SPTBN1: variants seen among roughly 807,000 people sequenced by gnomAD.
SPTBN1 encodes spectrin beta, non-erythrocytic 1, also known as spectrin beta chain, non-erythrocytic 1.
SPTBN1 carries 32 observed loss-of-function variants against 266.4 expected under a neutral mutation model. The observed-to-expected ratio is 0.12, with a 90% CI of 0.09 to 0.16. The LOEUF (loss-of-function observed/expected upper bound fraction) is 0.16. Among genes scored for constraint, SPTBN1 ranks in the 10% least tolerant of loss-of-function variants. SPTBN1 has a pLI of 1.00. For missense variants in SPTBN1, 2,296 were observed against 3,067.1 expected (o/e 0.75, Z 5.94); for synonymous variants, 1,336 against 1,162.2 (o/e 1.15, Z -3.04).
At chr2:54,590,789 T>C (rs1224636640) in intron 2 of SPTBN1, among the ~76,000 whole-genome samples, 1 of 152,246 alleles carries the variant, frequency 6.6e-6, no homozygotes, top group Non-Finnish European at 1.5e-5. Context: ...CAGATGAAGC[T>C]GATGCCTTAG....
intron 32 of SPTBN1, chr2:54,663,474 A>G (rs1681183307): frequency 6.6e-6 from 1 of 152,190 alleles, no homozygotes; most frequent in Middle Eastern, 3.2e-3. Flanking sequence ...GAAAATGATA[A>G]TGAATCAAGA....
chr2:54,482,747 T>C (rs1008532820), intron 1 of SPTBN1, among the ~76,000 whole-genome samples: 2 of 152,160 alleles, frequency 1.3e-5, no homozygotes, highest in South Asian at 2.1e-4. Context: ...GACAGTTTCA[T>C]TGGGCAGCCT....
rs143125321 is a variant in SPTBN1, at chr2:54,558,837, A to G, written c.148+32271A>G. 4 of 1,613,924 alleles carry G rather than the reference A, an allele frequency of 2.5e-6. No homozygotes were observed. Among genetic ancestry groups the G allele is most frequent in the Non-Finnish European group, 3.4e-6 (4 of 1,179,864 alleles). On this transcript the variant is annotated intron_variant, in intron 2 of 35. Transcript: ENST00000356805. This position sits in a 1 kb window ranked among gnomAD's most constrained non-coding sequence, Gnocchi z 4.6. ...CCGCTGTCGCCGGCGTACACGGGGC[A>G]GGTGCCTTACAACTACAACCAGCTG... is the stretch of plus-strand genomic sequence containing the variant.
chr2:54,475,727 C>T (rs1667792660), intron 1 of SPTBN1, among the ~76,000 whole-genome samples: 2 of 152,140 alleles, frequency 1.3e-5, no homozygotes. Flanking sequence ...AATTCAGACT[C>T]ATTGTTTAGT....
At chr2:54,513,866 G>A (rs772459287) in intron 1 of SPTBN1, among the ~76,000 whole-genome samples, 19 of 152,148 alleles carry the variant, frequency 1.2e-4, no homozygotes, top group Admixed American at 9.8e-4. Context: ...CAAGTTAGGT[G>A]ATTTCAAGAT....
At chr2:54,639,074 T>C (rs1428892021) in intron 18 of SPTBN1, among the ~76,000 whole-genome samples, 2 of 152,236 alleles carry the variant, frequency 1.3e-5, no homozygotes, top group Non-Finnish European at 2.9e-5. Context: ...CTGGGGGATT[T>C]GCCCGGAGCC....
intron 2 of SPTBN1, among the ~76,000 whole-genome samples, chr2:54,583,226 T>C (rs1675068053): frequency 6.6e-6 from 1 of 152,078 alleles, no homozygotes; most frequent in Non-Finnish European, 1.5e-5. Context: ...CCACAGTGCT[T>C]TGCTTGATCC....
chr2:54,588,324 G>A lies in SPTBN1; in HGVS notation c.149-10768G>A, dbSNP rs1182814857. ...TATTAATCTTTTAACTCAGTCTGAA[G>A]GAACTGACCAGACATGGATGGTTAT... is the stretch of plus-strand genomic sequence containing the variant. On this transcript the variant is annotated intron_variant, in intron 2 of 35. Transcript: ENST00000356805. Among the ~76,000 whole-genome samples, 157 of 152,018 alleles carry A rather than the reference G, an allele frequency of 1.0e-3. 2 individuals are homozygous for A. Among genetic ancestry groups the A allele is most frequent in the South Asian group, 2.1e-3 (10 of 4,820 alleles).
At chr2:54,568,370 A>AAAG (rs1170471000) in intron 2 of SPTBN1, among the ~76,000 whole-genome samples, 64 of 136,416 alleles carry the variant, frequency 4.7e-4, no homozygotes, top group South Asian at 1.2e-3. Flanking sequence ...AAAAAAAAAA[A>AAAG]AAGAAGAAGA....
Position 54,624,887 on chromosome 2 carries a change from G to A in SPTBN1, c.1266G>A (p.Gln422=). The change falls in exon 11 of 36, where the codon CAG becomes CAA. Residue 422 remains glutamine (Q), a synonymous_variant. Coordinates refer to ENST00000356805, the MANE Select transcript of SPTBN1 (RefSeq NM_003128.3). ...NELIRQEKLE[Q]LARRFDRKAA... is the part of the protein sequence containing the mutation. Reference sequence around the variant, plus strand: ...TCATAAGACAGGAGAAACTGGAACAGCTCGCCCGCAGATTTGATCGCAAGG... The same window carrying A: ...TCATAAGACAGGAGAAACTGGAACAACTCGCCCGCAGATTTGATCGCAAGG... 2 of 1,614,132 alleles carry A rather than the reference G, an allele frequency of 1.2e-6. No homozygotes were observed. The highest frequency in any genetic ancestry group is 8.5e-7 in the Non-Finnish European group (1 of 1,180,022).
intron 12 of SPTBN1, 152 bp from the exon 13 acceptor site, chr2:54,627,945 T>C (rs1416658965): frequency 5.0e-6 from 4 of 803,486 alleles, no homozygotes; most frequent in Non-Finnish European, 7.3e-6. Flanking sequence ...TCTGGTTTGT[T>C]GGCCATCATC....
At chr2:54,504,238 G>A (rs532262996) in intron 1 of SPTBN1, among the ~76,000 whole-genome samples, 1 of 152,316 alleles carries the variant, frequency 6.6e-6, no homozygotes, top group South Asian at 2.1e-4. Context: ...GGTCCTGCAA[G>A]GCACAGCTGT....
Position 54,526,497 on chromosome 2 carries a change from G to A in SPTBN1, c.79G>A (p.Val27Ile), listed in dbSNP as rs1670825070. 4 of 1,614,198 alleles carry A rather than the reference G, an allele frequency of 2.5e-6. No homozygotes were observed. Among genetic ancestry groups the A allele is most frequent in the Non-Finnish European group, 3.4e-6 (4 of 1,180,028 alleles). ...CAGTGATGTCAACAACCGCTGGGAT[G>A]TCGACGACTGGGACAATGAGAACAG... ...QYSDVNNRWD[V>I]DDWDNENSSA... is the part of the protein sequence containing the mutation. The change falls in exon 2 of 36, where the codon GTC becomes ATC. Residue 27 changes from valine (V) to isoleucine (I), a missense_variant. This residue lies in a region of SPTBN1 where 178 missense variants were observed against 375.7 expected (regional missense o/e 0.47). Coordinates refer to ENST00000356805, the MANE Select transcript of SPTBN1 (RefSeq NM_003128.3).
At chr2:54,585,041 C>A (rs570047764) in intron 2 of SPTBN1, among the ~76,000 whole-genome samples, 1 of 152,294 alleles carries the variant, frequency 6.6e-6, no homozygotes, top group Admixed American at 6.5e-5. Flanking sequence ...AGCAACACTG[C>A]AAGAGGTTTA....
In SPTBN1 at chr2:54,653,858, C is replaced by T. The variant is rs747634362; in HGVS notation, c.5822+5C>T. ...CGAGGCCCAGGAGAAGCCAAGGTAA[C>T]GCTTTCAGCCCAAAGGAAATTGGAC... On this transcript the variant is annotated splice_donor_5th_base_variant and intron_variant, in intron 27 of 35. Coordinates refer to ENST00000356805, the MANE Select transcript of SPTBN1 (RefSeq NM_003128.3). This position sits in a 1 kb window ranked among gnomAD's most constrained non-coding sequence, Gnocchi z 5.1. 1.7e-5 allele frequency: 28 copies of T among 1,606,886 alleles called. No individual in the cohort carries two copies. The highest frequency in any genetic ancestry group is 8.9e-5 in the East Asian group (4 of 44,874).
intron 32 of SPTBN1, chr2:54,660,609 AAAG>A (rs1423325321): frequency 2.0e-6 from 2 of 985,532 alleles, no homozygotes; most frequent in Non-Finnish European, 1.2e-6. Context: ...AGATGACAAA[AAAG>A]GGAGTCAGAT....
intron 2 of SPTBN1, among the ~76,000 whole-genome samples, chr2:54,541,789 A>G (rs1671956094): frequency 6.6e-6 from 1 of 152,252 alleles, no homozygotes; most frequent in South Asian, 2.1e-4. Flanking sequence ...ATGGCAATAT[A>G]GTACACATAA....
chr2:54,557,499 A>C (rs1462506185), intron 2 of SPTBN1, among the ~76,000 whole-genome samples: 1 of 152,056 alleles, frequency 6.6e-6, no homozygotes, highest in Non-Finnish European at 1.5e-5. Context: ...TTTTTGGTTG[A>C]GATTGGTGGG....
Position 54,514,349 on chromosome 2 carries a change from AG to A in SPTBN1, c.-47-12020del, listed in dbSNP as rs1289113904. Among the ~76,000 whole-genome samples, 11 of 152,180 alleles carry A rather than the reference AG, an allele frequency of 7.2e-5. No homozygotes were observed. The East Asian group carries it at 2.1e-3, about 29-fold the overall frequency. ...AAAACAATTAATTTCCATTATAGTA[AG>A]GGTGAATTTTGCTCCTTCAAAGAGT... On this transcript the variant is annotated intron_variant, in intron 1 of 35. Transcript: ENST00000356805.
Sources: allele counts gnomAD v4.1 joint callset (sites outside exome capture counted in the v4.1 genomes callset), GRCh38; gene constraint gnomAD v4.1.1; regional missense constraint gnomAD v4.1.1; non-coding constraint Gnocchi (gnomAD v3.1); transcripts MANE v1.5; gene names NCBI Gene and HGNC (gene_info 2026-07-23, HGNC 2026-07-21).